Variants in CDH11 observed in about 807,000 individuals in gnomAD.
The protein encoded by CDH11 is cadherin 11, also known as cadherin-11.
Under a neutral mutation model 67.8 loss-of-function variants are expected in CDH11, and 11 were observed. The observed-to-expected ratio is 0.16, with a 90% CI of 0.10 to 0.27. CDH11 has a LOEUF of 0.27. Among genes scored for constraint, CDH11 ranks in the 10% least tolerant of loss-of-function variants. The pLI, the probability that CDH11 is intolerant of heterozygous loss-of-function variation, is 1.00. For synonymous variants in CDH11, 419 were observed against 400.0 expected, an observed-to-expected ratio of 1.05 and a Z score of -0.57; for missense variants, 847 against 1,031.2, an observed-to-expected ratio of 0.82 and a Z score of 2.45.
rs2071341617 is a variant in CDH11, at chr16:64,950,843, T to C, written c.1818A>G (p.Ala606=). 1 of 1,614,078 alleles carries C rather than the reference T, an allele frequency of 6.2e-7. No homozygotes were observed. Among genetic ancestry groups the C allele is most frequent in the African/African-American group, 1.3e-5 (1 of 74,948 alleles). ...GGCCGGCGTTCAGAATGTAGGCCTC[T>C]GCGTTGCAGGAGAGCAGTGCCCCGT... ...DVNGALLSCN[A]EAYILNAGLS... is the part of the protein sequence containing the mutation. Residue 606 remains alanine (A), a synonymous_variant, in exon 12 of 13, where the codon GCA becomes GCG. Coordinates refer to ENST00000268603, the MANE Select transcript of CDH11 (RefSeq NM_001797.4).
chr16:64,947,366 T>C lies in CDH11; in HGVS notation c.*237A>G. On this transcript the variant is annotated 3_prime_UTR_variant, in exon 13 of 13. Transcript: ENST00000268603. ...TTAAATATTTTGTATGCCAAGTGTT[T>C]TTTTTTTCTAGCGAAGTTGATAAAC... The C allele has an allele frequency of 7.8e-7, 1 of 1,275,170 alleles. No homozygotes were observed. The highest frequency in any genetic ancestry group is 9.9e-7 in the Non-Finnish European group (1 of 1,010,136). The allele number at this position is 1,275,170 out of a possible 1,614,324, so 79.0% of individuals were successfully genotyped here.
chr16:64,978,690 A>G (rs1432894686), intron 8 of CDH11, among the ~76,000 whole-genome samples: 1 of 152,234 alleles, frequency 6.6e-6, no homozygotes, highest in Non-Finnish European at 1.5e-5. Flanking sequence ...TTAAGACAAA[A>G]TAGTATTTTC....
rs1481893530 is a variant in CDH11, at chr16:65,005,898, C to G, written c.-172-857G>C. 2.0e-5 allele frequency among the ~76,000 whole-genome samples: 3 copies of G among 152,352 alleles called. No homozygotes were observed. In the East Asian group the frequency reaches 5.8e-4, roughly 29 times the overall value. On this transcript the variant is annotated intron_variant, in intron 2 of 12. Transcript: ENST00000268603. ...TTCCCAGCACCCAGCCATGACTCAG[C>G]TACTCAACACCAGTGAGGATAAGCC...
intron 11 of CDH11, among the ~76,000 whole-genome samples, chr16:64,970,358 C>T (rs188774944): frequency 6.6e-6 from 1 of 152,128 alleles, no homozygotes; most frequent in Non-Finnish European, 1.5e-5. Flanking sequence ...ATCATCAGCA[C>T]GAAAGGATTC....
intron 1 of CDH11, among the ~76,000 whole-genome samples, chr16:65,074,685 A>G (rs1032065074): frequency 2.0e-5 from 3 of 152,138 alleles, no homozygotes; most frequent in African/African-American, 4.8e-5. Flanking sequence ...GAGAGAGACA[A>G]ACAGACAGAC....
chr16:64,996,258 G>C (rs1198690007), intron 4 of CDH11, among the ~76,000 whole-genome samples: 1 of 152,150 alleles, frequency 6.6e-6, no homozygotes, highest in Non-Finnish European at 1.5e-5. Flanking sequence ...GGGAGGACGA[G>C]GTGAGCAGAT....
At chr16:65,011,804 T>G (rs534417523) in intron 2 of CDH11, among the ~76,000 whole-genome samples, 1 of 152,344 alleles carries the variant, frequency 6.6e-6, no homozygotes, top group South Asian at 2.1e-4. Context: ...ATTTGTTCTT[T>G]TGTATGAGCT....
chr16:65,037,605 T>A (rs2073778386), intron 2 of CDH11, among the ~76,000 whole-genome samples: 1 of 152,012 alleles, frequency 6.6e-6, no homozygotes, highest in Non-Finnish European at 1.5e-5. Context: ...ATAACCACCC[T>A]CCTCTCTCCC....
chr16:65,122,714 G>A (rs150288900), upstream of CDH11, among the ~76,000 whole-genome samples: 619 of 152,242 alleles, frequency 4.1e-3, 6 homozygotes, highest in African/African-American at 0.014. Flanking sequence ...GGCGGGGAGG[G>A]AGACTTAGGA....
chr16:65,083,180 C>G (rs570015080), intron 1 of CDH11, among the ~76,000 whole-genome samples: 1 of 152,254 alleles, frequency 6.6e-6, no homozygotes, highest in East Asian at 1.9e-4. Flanking sequence ...GAATTAGCCA[C>G]CAGCTCCTTT....
intron 2 of CDH11, among the ~76,000 whole-genome samples, chr16:65,025,277 G>A (rs1385839327): frequency 6.6e-6 from 1 of 152,200 alleles, no homozygotes; most frequent in Non-Finnish European, 1.5e-5. Context: ...GGTTACACAG[G>A]TGGGCAGAAG....
rs184559016 is a variant in CDH11, at chr16:64,946,148, C to T, written c.*1455G>A. 89 of 1,054,340 alleles carry T rather than the reference C, an allele frequency of 8.4e-5. No homozygotes were observed. Among genetic ancestry groups the T allele is most frequent in the Non-Finnish European group, 1.0e-4 (89 of 872,460 alleles). The allele number at this position is 1,054,340 out of a possible 1,614,324, so 65.3% of individuals were successfully genotyped here. A position where few individuals can be genotyped will look rare whatever the true frequency, so the allele number is the denominator to read the frequency against. On this transcript the variant is annotated 3_prime_UTR_variant, in exon 13 of 13. Transcript: ENST00000268603. ...GGCCCCAAGCATATTCTAAACAAAGCTTTTTTAAATGAATCGCCCATTCTC... is the reference window on the plus strand; with the variant it reads ...GGCCCCAAGCATATTCTAAACAAAGTTTTTTTAAATGAATCGCCCATTCTC...
intron 1 of CDH11, among the ~76,000 whole-genome samples, chr16:65,090,641 A>T (rs1567572724): frequency 6.6e-6 from 1 of 152,196 alleles, no homozygotes; most frequent in African/African-American, 2.4e-5. Context: ...ACAGAAACAC[A>T]CAATAAAATA....
chr16:65,086,702 G>C (rs2074705049), intron 1 of CDH11, among the ~76,000 whole-genome samples: 1 of 152,214 alleles, frequency 6.6e-6, no homozygotes, highest in Non-Finnish European at 1.5e-5. Context: ...CAGAAGGCCA[G>C]GGTTAGGGCT....
chr16:64,982,098 C>T lies in CDH11; in HGVS notation c.1203G>A (p.Val401=), dbSNP rs986375979. 2.5e-6 allele frequency: 4 copies of T among 1,614,032 alleles called. No homozygotes were observed. The highest frequency in any genetic ancestry group is 2.5e-6 in the Non-Finnish European group (3 of 1,179,962). ...GGTCTTTGGCATGCACTCTCCCAACCACGGTGCCAGCAGCTGCATTTTCTT... is the reference window on the plus strand; with the variant it reads ...GGTCTTTGGCATGCACTCTCCCAACTACGGTGCCAGCAGCTGCATTTTCTT... ...EVQENAAAGT[V]VGRVHAKDPD... is the part of the protein sequence containing the mutation. The change falls in exon 8 of 13, where the codon GTG becomes GTA. Residue 401 remains valine, a synonymous_variant. Coordinates refer to ENST00000268603, the MANE Select transcript of CDH11 (RefSeq NM_001797.4).
intron 1 of CDH11, among the ~76,000 whole-genome samples, chr16:65,102,685 G>C (rs906937356): frequency 2.6e-5 from 4 of 152,166 alleles, no homozygotes; most frequent in African/African-American, 7.2e-5. Context: ...CCATGAAGGG[G>C]CCATGTGTTA....
intron 2 of CDH11, among the ~76,000 whole-genome samples, chr16:65,005,717 G>T (rs937606250): frequency 4.6e-5 from 7 of 152,208 alleles, no homozygotes; most frequent in Admixed American, 3.3e-4. Flanking sequence ...CAAGGAGGAA[G>T]ATTTGCTTTT....
intron 1 of CDH11, among the ~76,000 whole-genome samples, chr16:65,055,464 T>C (rs2142724441): frequency 6.6e-6 from 1 of 152,296 alleles, no homozygotes; most frequent in South Asian, 2.1e-4. Context: ...CTTTCTTTTT[T>C]CCAATTTCTC....
chr16:64,997,566 G>T lies in CDH11; in HGVS notation c.523+996C>A, dbSNP rs76368807. Among the ~76,000 whole-genome samples the T allele has an allele frequency of 2.4e-3, 370 of 152,162 alleles. 1 individual carries two copies. Among genetic ancestry groups the T allele is most frequent in the African/African-American group, 8.5e-3 (354 of 41,512 alleles). Reference sequence around the variant, plus strand: ...TGTATGGATTTATTTGATATTTGTTGTTTCTCATTATAATACACAGGCTAA... The same window carrying T: ...TGTATGGATTTATTTGATATTTGTTTTTTCTCATTATAATACACAGGCTAA... On this transcript the variant is annotated intron_variant, in intron 4 of 12. Transcript: ENST00000268603.
Sources: gnomAD v4.1 joint callset for allele counts (sites outside exome capture counted in the v4.1 genomes callset) on GRCh38, gnomAD v4.1.1 for gene constraint, MANE v1.5 for transcripts, NCBI Gene and HGNC (gene_info 2026-07-23, HGNC 2026-07-21) for gene names.